Variants in INVS observed in about 807,000 individuals in gnomAD.
INVS encodes inversion of embryo turning homolog.
In INVS, 86 loss-of-function variants were observed where a neutral mutation model predicts 108.8. The ratio of observed to expected loss-of-function variants is 0.79; its 90% CI spans 0.66 to 0.95. INVS has a LOEUF of 0.95. Among genes scored for constraint, INVS ranks in the 40% least tolerant of loss-of-function variants. The probability of loss-of-function intolerance (pLI) is 0.00; values close to 1 mark genes in which losing one functional copy is unlikely to be tolerated. For missense variants in INVS, 1,169 were observed against 1,297.4 expected (o/e 0.90, Z 1.52); for synonymous variants, 455 against 473.5 (o/e 0.96, Z 0.51).
At chr9:100,194,215 C>T (rs925071335) in intron 3 of INVS, among the ~76,000 whole-genome samples, 36 of 152,130 alleles carry the variant, frequency 2.4e-4, no homozygotes, top group Non-Finnish European at 4.7e-4. Flanking sequence ...TCCTCCATAC[C>T]CTCACTTTCT....
chr9:100,126,225 A>G (rs1827878692), intron 2 of INVS, among the ~76,000 whole-genome samples, 158 bp from the exon 3 acceptor site: 3 of 152,246 alleles, frequency 2.0e-5, no homozygotes, highest in Admixed American at 6.5e-5. Context: ...GTTTCCTATA[A>G]TATGACAATG....
At chr9:100,265,365 C>T (rs1057073980) in intron 11 of INVS, among the ~76,000 whole-genome samples, 1 of 152,128 alleles carries the variant, frequency 6.6e-6, no homozygotes, top group Non-Finnish European at 1.5e-5. Context: ...AAACATTACA[C>T]TAAGAAATAC....
chr9:100,165,842 T>G (rs1829347694), intron 3 of INVS, among the ~76,000 whole-genome samples: 1 of 152,150 alleles, frequency 6.6e-6, no homozygotes, highest in South Asian at 2.1e-4. Context: ...ATTTCTATAT[T>G]TTTTGTTTTA....
intron 2 of INVS, among the ~76,000 whole-genome samples, chr9:100,113,031 C>T (rs889113476): frequency 3.9e-5 from 6 of 152,216 alleles, no homozygotes; most frequent in African/African-American, 1.4e-4. Context: ...AGACTAGTCT[C>T]ATTATGGCAT....
intron 3 of INVS, among the ~76,000 whole-genome samples, chr9:100,173,084 A>T (rs553489087): frequency 6.6e-6 from 1 of 152,354 alleles, no homozygotes; most frequent in East Asian, 1.9e-4. Context: ...CATCATCAAG[A>T]TTGATACAGC....
At chr9:100,278,672 C>G (rs185267934) in intron 12 of INVS, among the ~76,000 whole-genome samples, 1 of 152,298 alleles carries the variant, frequency 6.6e-6, no homozygotes, top group African/African-American at 2.4e-5. Flanking sequence ...TTAGTTTCCC[C>G]ATCTGTCAAA....
intron 16 of INVS, among the ~76,000 whole-genome samples, chr9:100,299,553 ACAACACAC>A (rs1564196498): frequency 1.2e-5 from 1 of 82,736 alleles, no homozygotes; most frequent in Admixed American, 1.2e-4. Flanking sequence ...TTATTGACAC[ACAACACAC>A]ACACACACAC....
intron 10 of INVS, among the ~76,000 whole-genome samples, chr9:100,255,658 T>C (rs1832395864): frequency 6.6e-6 from 1 of 152,224 alleles, no homozygotes; most frequent in Admixed American, 6.5e-5. Flanking sequence ...CTTTTCTGCA[T>C]CTGTTGAGAT....
intron 3 of INVS, among the ~76,000 whole-genome samples, chr9:100,166,857 G>C (rs1829378995): frequency 6.6e-6 from 1 of 152,072 alleles, no homozygotes; most frequent in South Asian, 2.1e-4. Context: ...TTCTGCTCTT[G>C]CCCCCTGCAG....
intron 7 of INVS, 36 bp downstream of exon 7, chr9:100,242,715 G>A (rs1416532078): frequency 8.3e-7 from 1 of 1,207,050 alleles, no homozygotes; most frequent in Admixed American, 1.7e-5. Context: ...TTTTCTTAGT[G>A]AAAATTGTTA....
At chr9:100,196,436 G>C (rs563798459) in intron 3 of INVS, among the ~76,000 whole-genome samples, 1 of 152,078 alleles carries the variant, frequency 6.6e-6, no homozygotes. Context: ...AGAATACCTT[G>C]TGACTCTGGC....
At chr9:100,113,312 G>A (rs920758592) in intron 2 of INVS, among the ~76,000 whole-genome samples, 2 of 152,116 alleles carry the variant, frequency 1.3e-5, no homozygotes, top group African/African-American at 4.8e-5. Flanking sequence ...CTTCAAAAAA[G>A]TTCTGAAAAA....
intron 10 of INVS, among the ~76,000 whole-genome samples, chr9:100,263,013 G>C: frequency 6.6e-6 from 1 of 152,162 alleles, no homozygotes; most frequent in East Asian, 1.9e-4. Context: ...GCCTACGAAA[G>C]TGCTAGGATT....
intron 16 of INVS, 160 bp downstream of exon 16, chr9:100,298,170 C>A: frequency 6.6e-7 from 1 of 1,522,784 alleles, no homozygotes. Flanking sequence ...CATCTGTCTC[C>A]CTAAGAGGCA....
At chr9:100,202,474 A>G (rs1830560132) in intron 3 of INVS, among the ~76,000 whole-genome samples, 1 of 152,240 alleles carries the variant, frequency 6.6e-6, no homozygotes, top group East Asian at 1.9e-4. Flanking sequence ...AACTGATTAC[A>G]GAAGAGAATG....
chr9:100,225,386 T>C (rs1831285210), intron 3 of INVS, among the ~76,000 whole-genome samples: 1 of 152,206 alleles, frequency 6.6e-6, no homozygotes, highest in African/African-American at 2.4e-5. Flanking sequence ...TCTACCTTAG[T>C]TGTACCCATA....
At chr9:100,100,672 GTA>G (rs1197103226) in intron 1 of INVS, among the ~76,000 whole-genome samples, 1 of 16,208 alleles carries the variant, frequency 6.2e-5, no homozygotes, top group African/African-American at 5.0e-4. Context: ...TATTATATAT[GTA>G]CATATAATAT....
At chr9:100,100,639 T>TATATATGTATATATA (rs1564111190) in intron 1 of INVS, among the ~76,000 whole-genome samples, 2 of 53,420 alleles carry the variant, frequency 3.7e-5, no homozygotes. Context: ...ATATATATAT[T>TATATATGTATATATA]ATATATGTAT....
intron 10 of INVS, among the ~76,000 whole-genome samples, chr9:100,256,484 T>C (rs1832426070): frequency 6.6e-6 from 1 of 152,234 alleles, no homozygotes; most frequent in South Asian, 2.1e-4. Context: ...CTCTTGCTTC[T>C]CTAGTTCTTT....
Sources: gnomAD v4.1 joint callset for allele counts (sites outside exome capture counted in the v4.1 genomes callset) on GRCh38, gnomAD v4.1.1 for gene constraint, MANE v1.5 for transcripts, NCBI Gene and HGNC (gene_info 2026-07-23, HGNC 2026-07-21) for gene names.